Variants in HIVEP3 observed in about 807,000 individuals in gnomAD.
HIVEP3 encodes HIVEP zinc finger 3.
Under a neutral mutation model 152.8 loss-of-function variants are expected in HIVEP3, and 49 were observed. The ratio of observed to expected loss-of-function variants is 0.32; its 90% CI spans 0.26 to 0.41. The LOEUF (loss-of-function observed/expected upper bound fraction) is 0.41. Among genes scored for constraint, HIVEP3 ranks in the 10% least tolerant of loss-of-function variants. HIVEP3 has a pLI of 1.00. For synonymous variants in HIVEP3, 1,269 were observed against 1,289.0 expected (o/e 0.98, Z 0.33); for missense variants, 2,790 against 3,103.3 (o/e 0.90, Z 2.40).
chr1:41,774,593 G>A (rs1004186075), intron 1 of HIVEP3, among the ~76,000 whole-genome samples: 1 of 152,032 alleles, frequency 6.6e-6, no homozygotes, highest in African/African-American at 2.4e-5. Flanking sequence ...AACTCCTAGG[G>A]CTATCTGTGC....
intron 1 of HIVEP3, among the ~76,000 whole-genome samples, chr1:41,761,023 T>C (rs1647637450): frequency 6.6e-6 from 1 of 152,136 alleles, no homozygotes; most frequent in South Asian, 2.1e-4. Context: ...TGAGAAGAAG[T>C]GTACATTGCC....
chr1:41,705,980 T>G (rs528336701), intron 1 of HIVEP3, among the ~76,000 whole-genome samples: 1 of 152,186 alleles, frequency 6.6e-6, no homozygotes, highest in Admixed American at 6.5e-5. Flanking sequence ...TTTTTGTAAA[T>G]AAAGTTTTAT....
chr1:41,526,805 TCACA>T (rs888329248), intron 5 of HIVEP3, among the ~76,000 whole-genome samples: 2 of 84,956 alleles, frequency 2.4e-5, no homozygotes, highest in Non-Finnish European at 5.0e-5. Context: ...ACGCTCACCC[TCACA>T]CATACACCCC....
chr1:41,540,387 G>A (rs1300658939), intron 5 of HIVEP3, among the ~76,000 whole-genome samples: 1 of 152,228 alleles, frequency 6.6e-6, no homozygotes, highest in Non-Finnish European at 1.5e-5. Context: ...AATGGGGCAA[G>A]GTAGCCAGGG....
intron 5 of HIVEP3, among the ~76,000 whole-genome samples, chr1:41,545,630 C>CATCACCACCACCATCACCACCACT (rs1643768738): frequency 7.5e-6 from 1 of 133,732 alleles, no homozygotes; most frequent in African/African-American, 3.0e-5. Flanking sequence ...CCATCACCAC[C>CATCACCACCACCATCACCACCACT]ACCATCACCA....
chr1:41,829,055 C>T (rs1642884933), intron 1 of HIVEP3, among the ~76,000 whole-genome samples: 1 of 152,128 alleles, frequency 6.6e-6, no homozygotes. Flanking sequence ...AGGAGCCACC[C>T]CTCTCCCACC....
intron 2 of HIVEP3, among the ~76,000 whole-genome samples, chr1:41,632,291 G>C (rs1253028797): frequency 6.6e-6 from 1 of 152,186 alleles, no homozygotes; most frequent in East Asian, 1.9e-4. Flanking sequence ...ATTTTGGGTA[G>C]AGCCGGGTTG....
Position 41,582,263 on chromosome 1 carries a change from A to G in HIVEP3, c.2535T>C (p.Pro845=), listed in dbSNP as rs2149106847. 5 of 1,613,944 alleles carry G rather than the reference A, an allele frequency of 3.1e-6. No individual in the cohort carries two copies. The highest frequency in any genetic ancestry group is 3.4e-6 in the Non-Finnish European group (4 of 1,179,880). Reference sequence around the variant, plus strand: ...GAATGTTGGGCTGGCGGACCAACTTAGGCTGCAGGGAGTGAGCAGAGCGTC... The same window carrying G: ...GAATGTTGGGCTGGCGGACCAACTTGGGCTGCAGGGAGTGAGCAGAGCGTC... ...PHGRSAHSLQ[P]KLVRQPNIQV... The change falls in exon 4 of 9, where the codon CCT becomes CCC. Residue 845 remains proline, a synonymous_variant. Transcript: ENST00000372583. This position sits in a 1 kb window ranked among gnomAD's most constrained non-coding sequence, Gnocchi z 4.7.
chr1:41,890,860 A>G (rs1051308629), intron 1 of HIVEP3, among the ~76,000 whole-genome samples: 4 of 152,198 alleles, frequency 2.6e-5, no homozygotes, highest in African/African-American at 9.7e-5. Flanking sequence ...CACATTGTCA[A>G]CGCTCCACTC....
At chr1:41,545,155 C>T (rs1643716781) in intron 5 of HIVEP3, among the ~76,000 whole-genome samples, 1 of 142,210 alleles carries the variant, frequency 7.0e-6, no homozygotes, top group Non-Finnish European at 1.5e-5. Flanking sequence ...ACCAACACCA[C>T]CTCTACCACC....
chr1:41,772,092 T>G (rs1648410831), intron 1 of HIVEP3, among the ~76,000 whole-genome samples: 1 of 152,188 alleles, frequency 6.6e-6, no homozygotes, highest in African/African-American at 2.4e-5. Flanking sequence ...AAGTAGGCCA[T>G]GCTTGACCTC....
intron 1 of HIVEP3, among the ~76,000 whole-genome samples, chr1:41,907,250 G>A (rs935819624): frequency 2.0e-5 from 3 of 152,178 alleles, no homozygotes; most frequent in African/African-American, 7.2e-5. Context: ...GATAACCCCT[G>A]AATTGTTTTC....
chr1:41,722,159 T>C (rs1646683013), intron 1 of HIVEP3, among the ~76,000 whole-genome samples: 1 of 152,184 alleles, frequency 6.6e-6, no homozygotes, highest in Non-Finnish European at 1.5e-5. Flanking sequence ...CCTGGAACTC[T>C]TGGTGTGTAT....
chr1:41,884,706 C>T (rs1201967673), intron 1 of HIVEP3, among the ~76,000 whole-genome samples: 2 of 152,240 alleles, frequency 1.3e-5, no homozygotes, highest in Non-Finnish European at 2.9e-5. Context: ...AGAGATTTAG[C>T]TTGTGCTGGG....
intron 5 of HIVEP3, among the ~76,000 whole-genome samples, chr1:41,569,751 C>CA (rs1397365160): frequency 1.3e-5 from 2 of 152,246 alleles, no homozygotes; most frequent in East Asian, 3.9e-4. Context: ...ACACACACTT[C>CA]AAAATGTACA....
chr1:41,577,889 T>C (rs537708811), intron 4 of HIVEP3, among the ~76,000 whole-genome samples: 1 of 152,342 alleles, frequency 6.6e-6, no homozygotes, highest in East Asian at 1.9e-4. Context: ...GTTATACTAA[T>C]GTACCAGATT....
At chr1:42,031,022 T>TC (rs1645609799) in intron 1 of HIVEP3, among the ~76,000 whole-genome samples, 1 of 152,196 alleles carries the variant, frequency 6.6e-6, no homozygotes, top group Non-Finnish European at 1.5e-5. Flanking sequence ...GTGCTCAGAC[T>TC]CTCTCATCAA....
intron 5 of HIVEP3, among the ~76,000 whole-genome samples, chr1:41,562,481 CCCTTT>C (rs911814176): frequency 1.3e-5 from 2 of 152,082 alleles, no homozygotes; most frequent in African/African-American, 4.8e-5. Context: ...CTTTTCTTTT[CCCTTT>C]CCTTCCCTTC....
chr1:41,900,880 A>G (rs1047611437), intron 1 of HIVEP3, among the ~76,000 whole-genome samples: 3 of 152,134 alleles, frequency 2.0e-5, no homozygotes, highest in African/African-American at 7.2e-5. Context: ...GGGGTGGTGC[A>G]TACCTTGGGA....
Sources: gnomAD v4.1 joint callset for allele counts (sites outside exome capture counted in the v4.1 genomes callset) on GRCh38, gnomAD v4.1.1 for gene constraint, Gnocchi (gnomAD v3.1) non-coding constraint, MANE v1.5 for transcripts, NCBI Gene and HGNC (gene_info 2026-07-23, HGNC 2026-07-21) for gene names.